The following BCL11B variants were observed in gnomAD, a reference collection of about 807,000 sequenced individuals.
BCL11B encodes the protein BCL11 transcription factor B.
A neutral mutation model predicts 49.9 loss-of-function variants in BCL11B; 8 were observed. The observed-to-expected ratio is 0.16, with a 90% CI of 0.09 to 0.29. The LOEUF (loss-of-function observed/expected upper bound fraction) is 0.29, where lower values mean the gene tolerates loss of function less well. BCL11B is among the 10% of genes least tolerant of loss of function. The pLI is 1.00. For synonymous variants in BCL11B, 739 were observed against 637.4 expected, an observed-to-expected ratio of 1.16 and a Z score of -2.40; for missense variants, 1,006 against 1,351.0, an observed-to-expected ratio of 0.74 and a Z score of 4.00.
rs953236069 is a variant in BCL11B, at chr14:99,170,086, G to A, written c.*4065C>T. Reference sequence around the variant, plus strand: ...TTGTGCTTTGGGATGGCTTAGTCCTGGCAATCTGGTAAGCTGGTGAGCACT... The same window carrying A: ...TTGTGCTTTGGGATGGCTTAGTCCTAGCAATCTGGTAAGCTGGTGAGCACT... On this transcript the variant is annotated 3_prime_UTR_variant, in exon 4 of 4. Transcript: ENST00000357195. 4.4e-6 allele frequency: 1 copy of A among 227,026 alleles called. No individual in the cohort carries two copies. Among genetic ancestry groups the A allele is most frequent in the Admixed American group, 5.7e-5 (1 of 17,508 alleles). The allele number at this position is 227,026 out of a possible 1,614,324, so 14.1% of individuals were successfully genotyped here.
At chr14:99,237,882 C>T (rs1216644796) in intron 2 of BCL11B, among the ~76,000 whole-genome samples, 1 of 152,178 alleles carries the variant, frequency 6.6e-6, no homozygotes, top group African/African-American at 2.4e-5. Flanking sequence ...CCTTCATCAA[C>T]CATCTAGGCC....
In BCL11B at chr14:99,175,815, G is replaced by A. The variant is rs766179463; in HGVS notation, c.1021C>T (p.His341Tyr). 1 of 1,473,502 alleles carries A rather than the reference G, an allele frequency of 6.8e-7. No homozygotes were observed. Among genetic ancestry groups the A allele is most frequent in the Non-Finnish European group, 8.9e-7 (1 of 1,120,048 alleles). The allele number at this position is 1,473,502 out of a possible 1,614,324, so 91.3% of individuals were successfully genotyped here. Reference protein sequence around the residue: ...SAEEMGLVAQHPSAFDRVMRL... With the variant: ...SAEEMGLVAQYPSAFDRVMRL... ...ATGACTCGGTCGAAGGCACTGGGGT[G>A]CTGGGCGACGAGCCCCATCTCCTCG... Residue 341 changes from histidine (H) to tyrosine (Y), a missense_variant, in exon 4 of 4, where the codon CAC (histidine) becomes TAC (tyrosine). By Grantham distance (83) the His-to-Tyr change is moderately conservative. Around this residue, in one of 6 missense-constraint regions of BCL11B, gnomAD observed 411 missense variants for 542.2 expected, o/e 0.76. Transcript: ENST00000357195.
intron 1 of BCL11B, among the ~76,000 whole-genome samples, chr14:99,261,086 G>A (rs1164951857): frequency 6.6e-6 from 1 of 152,166 alleles, no homozygotes; most frequent in Admixed American, 6.5e-5. Flanking sequence ...CACCACCCAG[G>A]CTGTGGCGCT....
rs1484050658 is a variant in BCL11B at position 99,232,724 on chromosome 14, C to T, written c.428-1167G>A. On this transcript the variant is annotated intron_variant, in intron 2 of 3. Transcript: ENST00000357195. This position sits in a 1 kb window ranked among gnomAD's most constrained non-coding sequence, Gnocchi z 5.1. ...ACTGGGGCTTAGAATACCCATTGCA[C>T]AGACCAGGAAACTGATGGCGTGACT... Among the ~76,000 whole-genome samples the T allele has an allele frequency of 2.0e-5, 3 of 152,206 alleles. No homozygotes were observed. The highest frequency in any genetic ancestry group is 6.5e-5 in the Admixed American group (1 of 15,288).
At chr14:99,185,165 G>A (rs1274465021) in intron 3 of BCL11B, among the ~76,000 whole-genome samples, 4 of 152,276 alleles carry the variant, frequency 2.6e-5, no homozygotes, top group East Asian at 1.9e-4. Flanking sequence ...GGACGGGCGC[G>A]GTGGCTCACG....
At chr14:99,256,190 C>G (rs1889158761) in intron 2 of BCL11B, among the ~76,000 whole-genome samples, 1 of 152,216 alleles carries the variant, frequency 6.6e-6, no homozygotes. Flanking sequence ...GCATCGAAAG[C>G]CTGAGTCCCT....
chr14:99,188,763 G>C (rs950254828), intron 3 of BCL11B, among the ~76,000 whole-genome samples: 1 of 152,224 alleles, frequency 6.6e-6, no homozygotes, highest in Non-Finnish European at 1.5e-5. Context: ...GGGGCTGGTG[G>C]GGAGCCCCAG....
At chr14:99,239,034 A>G (rs1483435870) in intron 2 of BCL11B, among the ~76,000 whole-genome samples, 1 of 152,220 alleles carries the variant, frequency 6.6e-6, no homozygotes, top group East Asian at 1.9e-4. Flanking sequence ...TCTATCAGCA[A>G]CGTGGACATG....
chr14:99,233,931 C>A (rs1386209536), intron 2 of BCL11B, among the ~76,000 whole-genome samples: 1 of 152,074 alleles, frequency 6.6e-6, no homozygotes. Flanking sequence ...TCTACAGGGC[C>A]TCTCTGGGGC....
In BCL11B at chr14:99,173,784, T is replaced by C. The variant is rs1465100490; in HGVS notation, c.*367A>G. ...CCCCTCTAACATTGCTTGCGAGTCA[T>C]TGCTCAGGCTACTACCGGGTTAAAA... is the stretch of plus-strand genomic sequence containing the variant. On this transcript the variant is annotated 3_prime_UTR_variant, in exon 4 of 4. Coordinates refer to ENST00000357195, the MANE Select transcript of BCL11B (RefSeq NM_138576.4). 3.6e-6 allele frequency: 1 copy of C among 276,974 alleles called. No individual in the cohort carries two copies. Among genetic ancestry groups the C allele is most frequent in the East Asian group, 5.7e-5 (1 of 17,652 alleles). The allele number at this position is 276,974 out of a possible 1,614,324, so 17.2% of individuals were successfully genotyped here. A position where few individuals can be genotyped will look rare whatever the true frequency, so the allele number is the denominator to read the frequency against.
At chr14:99,270,734 T>G in intron 1 of BCL11B, among the ~76,000 whole-genome samples, 1 of 149,816 alleles carries the variant, frequency 6.7e-6, no homozygotes, top group Non-Finnish European at 1.5e-5. Flanking sequence ...TCGCCAACTT[T>G]TCCCCACTTC....
At chr14:99,176,290 G>C (rs999914546) in intron 3 of BCL11B, 95 bp from the exon 4 acceptor site, 1 of 1,155,338 alleles carries the variant, frequency 8.7e-7, no homozygotes, top group East Asian at 2.8e-5. Context: ...GACGCGGCCC[G>C]GGCTGATCCG....
At chr14:99,264,218 A>G (rs1197050923) in intron 1 of BCL11B, 1 of 152,242 alleles carries the variant, frequency 6.6e-6, no homozygotes, top group Non-Finnish European at 1.5e-5. Context: ...ATCTGAGGCC[A>G]ACAGCAAATA....
intron 2 of BCL11B, among the ~76,000 whole-genome samples, chr14:99,251,824 G>C (rs942580604): frequency 2.0e-5 from 3 of 152,146 alleles, no homozygotes. Flanking sequence ...GGCCCCACCA[G>C]CCAGACAGAC....
rs1886297727 is a variant in BCL11B, at chr14:99,171,769, A to G, written c.*2382T>C. 4.7e-6 allele frequency: 1 copy of G among 211,080 alleles called. No individual in the cohort carries two copies. The highest frequency in any genetic ancestry group is 9.6e-6 in the Non-Finnish European group (1 of 103,868). 13.1% of individuals were successfully genotyped at this position (211,080 alleles called of 1,614,324 possible). On this transcript the variant is annotated 3_prime_UTR_variant, in exon 4 of 4. Transcript: ENST00000357195. ...CACCCAAGGCAGAAAAAAATTTACT[A>G]AAACTCCGACTTTACAGTTACTGTA...
chr14:99,178,559 T>A (rs967123014), intron 3 of BCL11B, among the ~76,000 whole-genome samples: 1 of 152,228 alleles, frequency 6.6e-6, no homozygotes, highest in African/African-American at 2.4e-5. Flanking sequence ...GGTTCTGTCC[T>A]ACACTTATTA....
At chr14:99,260,350 G>A (rs1477042614) in intron 1 of BCL11B, among the ~76,000 whole-genome samples, 1 of 152,164 alleles carries the variant, frequency 6.6e-6, no homozygotes, top group Non-Finnish European at 1.5e-5. Flanking sequence ...CTTTCTGAGG[G>A]CGAAGAGGTC....
chr14:99,173,991 A>T lies in BCL11B; in HGVS notation c.*160T>A. ...CCTTAATCAACCCTCGGGTTTCCAT[A>T]GGACTTCGCAGACACAGGTTAGGTT... On this transcript the variant is annotated 3_prime_UTR_variant, in exon 4 of 4. Coordinates refer to ENST00000357195, the MANE Select transcript of BCL11B (RefSeq NM_138576.4). The T allele has an allele frequency of 1.5e-6, 1 of 654,604 alleles. No individual in the cohort carries two copies. Among genetic ancestry groups the T allele is most frequent in the Non-Finnish European group, 2.6e-6 (1 of 384,264 alleles). The allele number at this position is 654,604 out of a possible 1,614,324, so 40.5% of individuals were successfully genotyped here.
chr14:99,220,263 A>G (rs1411502055), intron 3 of BCL11B, among the ~76,000 whole-genome samples: 1 of 152,216 alleles, frequency 6.6e-6, no homozygotes, highest in Non-Finnish European at 1.5e-5. Context: ...AAAGAACTGA[A>G]AGCAAGGATT....
Sources: allele counts gnomAD v4.1 joint callset (sites outside exome capture counted in the v4.1 genomes callset), GRCh38; gene constraint gnomAD v4.1.1; regional missense constraint gnomAD v4.1.1; non-coding constraint Gnocchi (gnomAD v3.1); transcripts MANE v1.5; gene names NCBI Gene and HGNC (gene_info 2026-07-23, HGNC 2026-07-21).